PCSK4: variants seen among roughly 807,000 people sequenced by gnomAD.
PCSK4 encodes testicular tissue protein Li 135.
A neutral mutation model predicts 80.3 loss-of-function variants in PCSK4; 64 were observed. The ratio of observed to expected loss-of-function variants is 0.80; its 90% CI spans 0.65 to 0.98. The LOEUF (loss-of-function observed/expected upper bound fraction) is 0.98. Among genes scored for constraint, PCSK4 ranks in the 50% least tolerant of loss-of-function variants. The pLI, the probability that PCSK4 is intolerant of heterozygous loss-of-function variation, is 0.00. For synonymous variants in PCSK4, 561 were observed against 487.6 expected, an observed-to-expected ratio of 1.15 and a Z score of -1.98; for missense variants, 1,213 against 1,093.6, an observed-to-expected ratio of 1.11 and a Z score of -1.54.
At chr19:1,488,057 C>A in exon 4 of PCSK4, 1 of 1,613,394 alleles carries the variant, frequency 6.2e-7, no homozygotes, top group South Asian at 1.1e-5. Context: ...GACTCCAGGC[C>A]TGCAGGATGC....
At chr19:1,484,560 G>A (rs1322226068) in intron 8 of PCSK4, among the ~76,000 whole-genome samples, 2 of 151,502 alleles carry the variant, frequency 1.3e-5, no homozygotes, top group Non-Finnish European at 2.9e-5. Context: ...GCTCACACCT[G>A]TAATCCCAGC....
intron 2 of PCSK4, chr19:1,489,452 A>G: frequency 3.7e-6 from 1 of 273,158 alleles, no homozygotes. Flanking sequence ...TACTCTTTGG[A>G]ACCCATTACG....
At chr19:1,482,875 A>G in intron 13 of PCSK4, 21 bp downstream of exon 13, 1 of 1,370,816 alleles carries the variant, frequency 7.3e-7, no homozygotes, top group South Asian at 1.2e-5. Flanking sequence ...CCCGCCCACC[A>G]CAGCCCCGCC....
chr19:1,489,327 T>A (rs1020278743), intron 2 of PCSK4, among the ~76,000 whole-genome samples: 3 of 151,958 alleles, frequency 2.0e-5, no homozygotes, highest in African/African-American at 7.3e-5. Context: ...AGAGACAGGG[T>A]TTCACCGTGT....
chr19:1,490,538 C>T (rs2084896664), upstream of PCSK4: 2 of 502,682 alleles, frequency 4.0e-6, no homozygotes, highest in African/African-American at 2.1e-5. Flanking sequence ...CACGCCTGCC[C>T]GTCTTCCGCA....
exon 10 of PCSK4, chr19:1,483,863 C>G: frequency 6.7e-7 from 1 of 1,498,412 alleles, no homozygotes; most frequent in Non-Finnish European, 8.8e-7. Flanking sequence ...CGTTGGTCCT[C>G]CAGTCCTCGG....
chr19:1,485,586 A>G (rs2084559327), intron 8 of PCSK4, among the ~76,000 whole-genome samples: 1 of 151,928 alleles, frequency 6.6e-6, no homozygotes, highest in Admixed American at 6.6e-5. Context: ...AAGAAAAAAG[A>G]AAGTGCTGGG....
rs1209869778 is a variant in PCSK4, at chr19:1,484,143, G to C, written c.1069-16C>G. The C allele has an allele frequency of 2.1e-6, 3 of 1,455,212 alleles. No individual in the cohort carries two copies. The highest frequency in any genetic ancestry group is 2.8e-6 in the Non-Finnish European group (3 of 1,064,956). 90.1% of individuals were successfully genotyped at this position (1,455,212 alleles called of 1,614,324 possible). A position where few individuals can be genotyped will look rare whatever the true frequency, so the allele number is the denominator to read the frequency against. On this transcript the variant is annotated splice_polypyrimidine_tract_variant and intron_variant, in intron 8 of 14. Transcript: ENST00000300954. ...CCGTGGTGACCTGAGGGCAGAGGGGGGTGGGACTCGGGGGGCCGTGCACAG... is the reference window on the plus strand; with the variant it reads ...CCGTGGTGACCTGAGGGCAGAGGGGCGTGGGACTCGGGGGGCCGTGCACAG...
At chr19:1,488,228 A>G in exon 3 of PCSK4, 1 of 1,613,320 alleles carries the variant, frequency 6.2e-7, no homozygotes, top group Non-Finnish European at 8.5e-7. Flanking sequence ...CGTGGGCACC[A>G]CGACAGAGCG....
rs990694486 is a variant in PCSK4 at position 1,489,666 on chromosome 19, G to T, written c.294+127C>A. ...CTCTTGCTGTATAGACTTGGGGCCCGGGCGGGTCTGAGCCACAGAAAGCAC... is the reference window on the plus strand; with the variant it reads ...CTCTTGCTGTATAGACTTGGGGCCCTGGCGGGTCTGAGCCACAGAAAGCAC... On this transcript the variant is annotated intron_variant, in intron 2 of 14. Coordinates refer to ENST00000300954, the Ensembl canonical transcript of PCSK4. The T allele has an allele frequency of 4.1e-6, 6 of 1,455,780 alleles. No individual in the cohort carries two copies. The African/African-American group carries it at 7.1e-5, about 17-fold the overall frequency. The allele number at this position is 1,455,780 out of a possible 1,614,324, so 90.2% of individuals were successfully genotyped here.
At chr19:1,488,275 C>T in exon 3 of PCSK4, 1 of 1,612,540 alleles carries the variant, frequency 6.2e-7, no homozygotes, top group Non-Finnish European at 8.5e-7. Context: ...GCTGGAACCA[C>T]TGCACCTGCA....
chr19:1,490,668 AAC>A, upstream of PCSK4: 1 of 332,724 alleles, frequency 3.0e-6, no homozygotes, highest in Non-Finnish European at 5.5e-6. Context: ...CCCACTTTCC[AAC>A]ACACCCCTCC....
chr19:1,483,225 G>A lies in PCSK4; in HGVS notation c.1571+59C>T, dbSNP rs551130580. 3.6e-5 allele frequency: 52 copies of A among 1,443,950 alleles called. No homozygotes were observed. In the South Asian group the frequency reaches 3.8e-4, roughly 11 times the overall value. 89.4% of individuals were successfully genotyped at this position (1,443,950 alleles called of 1,614,324 possible). On this transcript the variant is annotated intron_variant, in intron 12 of 14. Coordinates refer to ENST00000300954, the Ensembl canonical transcript of PCSK4. ...CCTCCCCGTGAGGACACTCCGGGTA[G>A]ATGGCAGCGTTTACCGACAGGGCAT...
intron 2 of PCSK4, among the ~76,000 whole-genome samples, chr19:1,489,192 C>G (rs1013886883): frequency 1.4e-5 from 2 of 144,980 alleles, no homozygotes; most frequent in African/African-American, 5.2e-5. Flanking sequence ...AGTGCAATGG[C>G]GCGATCTCGG....
rs749434283 is a variant in PCSK4 at position 1,488,230 on chromosome 19, G to C, written c.345C>G (p.Val115=). ...AGAACCAGGGGTCCGTGGGCACCAC[G>C]ACAGAGCGTTTCACCCGCCGCTGCA... The change falls in exon 3 of 15, where the codon GTC becomes GTG. Residue 115 remains valine (V), a synonymous_variant. Transcript: ENST00000300954. 5 of 1,613,170 alleles carry C rather than the reference G, an allele frequency of 3.1e-6. 1 individual carries two copies. In the Admixed American group the frequency reaches 8.3e-5, roughly 27 times the overall value.
chr19:1,482,081 C>T, exon 15 of PCSK4: 1 of 1,552,468 alleles, frequency 6.4e-7, no homozygotes. Flanking sequence ...GCAGCTGGAG[C>T]AGACCCTCAG....
chr19:1,488,125 G>A (rs1220230984), intron 3 of PCSK4, 33 bp from the exon 4 acceptor site: 1 of 1,612,772 alleles, frequency 6.2e-7, no homozygotes, highest in African/African-American at 1.3e-5. Context: ...GACCCTGTGA[G>A]GGCCTGGAGT....
chr19:1,481,778 C>T lies in PCSK4; in HGVS notation c.2249G>A (p.Trp750Ter). 6.6e-7 allele frequency: 1 copy of T among 1,510,202 alleles called. No homozygotes were observed. Among genetic ancestry groups the T allele is most frequent in the South Asian group, 1.3e-5 (1 of 75,360 alleles). 93.6% of individuals were successfully genotyped at this position (1,510,202 alleles called of 1,614,324 possible). A position where few individuals can be genotyped will look rare whatever the true frequency, so the allele number is the denominator to read the frequency against. Residue 750 changes from tryptophan (W) to a stop codon, truncating the protein, a stop_gained, in exon 15 of 15, where the codon TGG becomes TAG. Coordinates refer to ENST00000300954, the Ensembl canonical transcript of PCSK4. LOFTEE classifies it low-confidence loss of function (END_TRUNC). ...ACAACTTCAGGTTCCAGCTGGCAGC[C>T]AGACCTGGGGTTTGGTGGGGGTGGC...
chr19:1,488,992 TC>T (rs1397817210), intron 2 of PCSK4, among the ~76,000 whole-genome samples: 2 of 152,158 alleles, frequency 1.3e-5, no homozygotes, highest in African/African-American at 4.8e-5. Context: ...TCCGAGGGCT[TC>T]CCAGGCTCCA....
Sources: allele counts gnomAD v4.1 joint callset (sites outside exome capture counted in the v4.1 genomes callset), GRCh38; gene constraint gnomAD v4.1.1; transcripts MANE v1.5; gene names NCBI Gene and HGNC (gene_info 2026-07-23, HGNC 2026-07-21).